The following SNX6 variants were observed in gnomAD, a reference collection of about 807,000 sequenced individuals.
SNX6 encodes the protein sorting nexin 6, also known as sorting nexin-6.
In SNX6, 34 loss-of-function variants were observed where a neutral mutation model predicts 63.0. The ratio of observed to expected loss-of-function variants is 0.54; its 90% CI spans 0.41 to 0.72. SNX6 has a LOEUF of 0.72. Ranked by LOEUF, SNX6 falls within the 30% of genes least tolerant of loss-of-function variation. The pLI is 0.00. For synonymous variants in SNX6, 170 were observed against 164.2 expected, an observed-to-expected ratio of 1.04 and a Z score of -0.27; for missense variants, 398 against 471.4, an observed-to-expected ratio of 0.84 and a Z score of 1.44.
At chr14:34,589,180 G>A (rs1882292366) in intron 8 of SNX6, among the ~76,000 whole-genome samples, 1 of 152,100 alleles carries the variant, frequency 6.6e-6, no homozygotes, top group African/African-American at 2.4e-5. Flanking sequence ...CTAGGGCTGA[G>A]GGCGGTGGCT....
rs1159843078 is a variant in SNX6 at position 34,567,639 on chromosome 14, C to T, written c.1167+47G>A. 8.5e-6 allele frequency: 12 copies of T among 1,405,610 alleles called. No homozygotes were observed. The Middle Eastern group carries it at 1.1e-3, about 125-fold the overall frequency. The allele number at this position is 1,405,610 out of a possible 1,614,324, so 87.1% of individuals were successfully genotyped here. A position where few individuals can be genotyped will look rare whatever the true frequency, so the allele number is the denominator to read the frequency against. On this transcript the variant is annotated intron_variant, in intron 13 of 13. Coordinates refer to ENST00000362031, the MANE Select transcript of SNX6 (RefSeq NM_152233.4). Reference sequence around the variant, plus strand: ...TATCAATGTCATAACTGATTCATTTCTATATTACATGTAACTTAAATTATT... The same window carrying T: ...TATCAATGTCATAACTGATTCATTTTTATATTACATGTAACTTAAATTATT...
intron 2 of SNX6, among the ~76,000 whole-genome samples, chr14:34,620,071 A>AT (rs1883567949): frequency 6.6e-6 from 1 of 152,060 alleles, no homozygotes; most frequent in African/African-American, 2.4e-5. Context: ...AAAAGTCACC[A>AT]TTGTTTGTAC....
chr14:34,597,904 A>T (rs1054299847), intron 6 of SNX6, among the ~76,000 whole-genome samples: 1 of 152,226 alleles, frequency 6.6e-6, no homozygotes, highest in African/African-American at 2.4e-5. Flanking sequence ...TTCACATTTT[A>T]TGAGCATATC....
intron 5 of SNX6, chr14:34,604,204 A>T: frequency 7.8e-7 from 1 of 1,289,028 alleles, no homozygotes; most frequent in Non-Finnish European, 1.0e-6. Context: ...GTGAAGACAA[A>T]AAAGAAGGAT....
intron 4 of SNX6, among the ~76,000 whole-genome samples, chr14:34,607,636 G>A (rs979295849): frequency 2.0e-5 from 3 of 151,784 alleles, no homozygotes; most frequent in African/African-American, 4.8e-5. Context: ...GGCCGGGCAC[G>A]GTGGCTCACG....
intron 8 of SNX6, among the ~76,000 whole-genome samples, chr14:34,589,441 ACT>A (rs1237711879): frequency 1.3e-5 from 2 of 152,186 alleles, no homozygotes; most frequent in South Asian, 2.1e-4. Flanking sequence ...ACAGAATGAG[ACT>A]CTGTCTCACA....
At chr14:34,613,784 C>T (rs1226454477) in intron 2 of SNX6, among the ~76,000 whole-genome samples, 1 of 151,610 alleles carries the variant, frequency 6.6e-6, no homozygotes, top group Non-Finnish European at 1.5e-5. Context: ...GAGCGAGACT[C>T]CATCTCAAAA....
rs35289170 is a variant in SNX6 at position 34,610,352 on chromosome 14, C to CA, written c.55-611dup. ...CCTGGATGACAGAGCAAAACCGTCT[C>CA]AAAAAAAAAAAAAAAAAAAAACTTC... On this transcript the variant is annotated intron_variant, in intron 2 of 13. Coordinates refer to ENST00000362031, the MANE Select transcript of SNX6 (RefSeq NM_152233.4). Among the ~76,000 whole-genome samples the CA allele has an allele frequency of 4.8e-3, 371 of 77,542 alleles. 2 individuals are homozygous for CA. Among genetic ancestry groups the CA allele is most frequent in the Non-Finnish European group, 6.6e-3 (279 of 42,480 alleles). 50.9% of individuals were successfully genotyped at this position (77,542 alleles called of 152,430 possible). A position where few individuals can be genotyped will look rare whatever the true frequency, so the allele number is the denominator to read the frequency against.
chr14:34,626,613 G>A (rs1017496911), intron 2 of SNX6, among the ~76,000 whole-genome samples: 56 of 144,252 alleles, frequency 3.9e-4, no homozygotes, highest in African/African-American at 1.3e-3. Context: ...AGCTTGCAGC[G>A]AGCTGAGATC....
intron 2 of SNX6, among the ~76,000 whole-genome samples, chr14:34,615,386 T>C (rs1170175616): frequency 6.6e-6 from 1 of 152,158 alleles, no homozygotes; most frequent in Non-Finnish European, 1.5e-5. Flanking sequence ...CACATCTGGC[T>C]AATTATTATT....
chr14:34,562,467 C>T lies in SNX6; in HGVS notation c.*655G>A, dbSNP rs1002176537. 1 of 152,700 alleles carries T rather than the reference C, an allele frequency of 6.5e-6. No individual in the cohort carries two copies. Among genetic ancestry groups the T allele is most frequent in the Middle Eastern group, 3.4e-3 (1 of 294 alleles). The allele number at this position is 152,700 out of a possible 1,614,324, so 9.5% of individuals were successfully genotyped here. A position where few individuals can be genotyped will look rare whatever the true frequency, so the allele number is the denominator to read the frequency against. On this transcript the variant is annotated 3_prime_UTR_variant, in exon 14 of 14. Transcript: ENST00000362031. ...ACATTTTCCAGAGTGATACAATGAC[C>T]ATAGAGTTAAAAACTATCACTGTTA...
At chr14:34,613,817 C>G (rs2138367977) in intron 2 of SNX6, among the ~76,000 whole-genome samples, 1 of 146,042 alleles carries the variant, frequency 6.8e-6, no homozygotes, top group South Asian at 2.2e-4. Flanking sequence ...AAACAAAAAA[C>G]AGAATCTGGG....
intron 13 of SNX6, among the ~76,000 whole-genome samples, chr14:34,563,678 T>C (rs1024798328): frequency 2.7e-4 from 41 of 152,210 alleles, no homozygotes; most frequent in African/African-American, 9.6e-4. Context: ...ATACATAAAA[T>C]TACATGATTT....
intron 13 of SNX6, among the ~76,000 whole-genome samples, chr14:34,563,433 C>A (rs987913287): frequency 6.6e-6 from 1 of 152,064 alleles, no homozygotes; most frequent in Non-Finnish European, 1.5e-5. Flanking sequence ...GTGGTTGGCA[C>A]CTGTAGTCCC....
chr14:34,575,400 A>G (rs893442059), intron 11 of SNX6, among the ~76,000 whole-genome samples: 5 of 152,034 alleles, frequency 3.3e-5, no homozygotes, highest in African/African-American at 1.2e-4. Context: ...GGGTTTCATC[A>G]TGCTAGCCAG....
At chr14:34,583,582 AT>A (rs1298910821) in intron 9 of SNX6, among the ~76,000 whole-genome samples, 1 of 151,920 alleles carries the variant, frequency 6.6e-6, no homozygotes, top group Non-Finnish European at 1.5e-5. Flanking sequence ...GCACCTGCGA[AT>A]AGCTACTGTA....
Position 34,575,747 on chromosome 14 carries a change from T to A in SNX6, c.921+9A>T. 6.6e-7 allele frequency: 1 copy of A among 1,521,918 alleles called. No homozygotes were observed. Among genetic ancestry groups the A allele is most frequent in the Non-Finnish European group, 8.9e-7 (1 of 1,119,412 alleles). The allele number at this position is 1,521,918 out of a possible 1,614,324, so 94.3% of individuals were successfully genotyped here. ...TAAAATGGCTCATTTAAAAAAAGAT[T>A]AAAATTACCTTAGCAGCTTGAGATT... is the stretch of plus-strand genomic sequence containing the variant. On this transcript the variant is annotated intron_variant, in intron 11 of 13. Coordinates refer to ENST00000362031, the MANE Select transcript of SNX6 (RefSeq NM_152233.4).
intron 2 of SNX6, among the ~76,000 whole-genome samples, chr14:34,612,076 G>C (rs1288167521): frequency 6.6e-6 from 1 of 152,138 alleles, no homozygotes; most frequent in African/African-American, 2.4e-5. Flanking sequence ...ACCGTGTCCA[G>C]CCTCCTTTTT....
In SNX6 at chr14:34,593,728, C is replaced by T. The variant is rs572022062; in HGVS notation, c.613-578G>A. 1.4e-4 allele frequency among the ~76,000 whole-genome samples: 19 copies of T among 134,542 alleles called. No homozygotes were observed. In the South Asian group the frequency reaches 1.6e-3, roughly 11 times the overall value. The allele number at this position is 134,542 out of a possible 152,430, so 88.3% of individuals were successfully genotyped here. On this transcript the variant is annotated intron_variant, in intron 7 of 13. Transcript: ENST00000362031. ...CTGAGACTACAGGCAAGCGCCACCA[C>T]GCCCAGCTAATTTTTTTTTTTTTGT...
Sources: allele counts gnomAD v4.1 joint callset (sites outside exome capture counted in the v4.1 genomes callset), GRCh38; gene constraint gnomAD v4.1.1; transcripts MANE v1.5; gene names NCBI Gene and HGNC (gene_info 2026-07-23, HGNC 2026-07-21).